Variants in RGS21 observed in about 807,000 individuals in gnomAD.
RGS21 encodes regulator of G-protein signalling 21.
A neutral mutation model predicts 18.7 loss-of-function variants in RGS21; 19 were observed. That is an observed-to-expected ratio of 1.01 (90% confidence interval 0.71 to 1.49). The LOEUF (loss-of-function observed/expected upper bound fraction) is 1.49. Among genes scored for constraint, RGS21 ranks in the 40% most tolerant of loss-of-function variants. The pLI is 0.00. For missense variants in RGS21, 194 were observed against 176.8 expected (o/e 1.10, Z -0.55); for synonymous variants, 56 against 57.8 (o/e 0.97, Z 0.14).
intron 1 of RGS21, among the ~76,000 whole-genome samples, chr1:192,332,870 G>A (rs1165747296): frequency 6.6e-6 from 1 of 151,902 alleles, no homozygotes; most frequent in Non-Finnish European, 1.5e-5. Flanking sequence ...GTGAGCTACA[G>A]TCATGCCACT....
chr1:192,361,192 TTAAAA>T (rs763537001), intron 4 of RGS21, among the ~76,000 whole-genome samples: 2 of 152,140 alleles, frequency 1.3e-5, no homozygotes, highest in Non-Finnish European at 2.9e-5. Flanking sequence ...TTATTTACAG[TTAAAA>T]TAATCATCTT....
At chr1:192,362,938 C>T (rs554068135) in intron 4 of RGS21, among the ~76,000 whole-genome samples, 1 of 151,992 alleles carries the variant, frequency 6.6e-6, no homozygotes, top group South Asian at 2.1e-4. Context: ...CTTAGCAATG[C>T]AAAATCCCTT....
intron 1 of RGS21, among the ~76,000 whole-genome samples, chr1:192,328,589 A>G (rs1173530261): frequency 1.3e-5 from 2 of 152,186 alleles, no homozygotes; most frequent in African/African-American, 4.8e-5. Flanking sequence ...CATTGTTGAA[A>G]AAGTTTAGAG....
Position 192,342,259 on chromosome 1 carries a change from G to T in RGS21, c.-60-718G>T, listed in dbSNP as rs538535733. Among the ~76,000 whole-genome samples, 5 of 152,134 alleles carry T rather than the reference G, an allele frequency of 3.3e-5. No homozygotes were observed. The South Asian group carries it at 1.0e-3, about 32-fold the overall frequency. On this transcript the variant is annotated intron_variant, in intron 1 of 4. Transcript: ENST00000417209. The stretch of plus-strand genomic sequence containing the variant: ...AGAACTGTATTACATTGAGATAAAA[G>T]CTTGACAAAGCATGAAGTTATAAAA...
intron 4 of RGS21, among the ~76,000 whole-genome samples, chr1:192,356,995 G>A (rs150658831): frequency 1.9e-4 from 29 of 151,892 alleles, no homozygotes; most frequent in Non-Finnish European, 3.7e-4. Flanking sequence ...CATGGTCCCT[G>A]AGTAGATCCT....
At position 192,338,149 on chromosome 1, in the gene RGS21, G is replaced by A. The variant is rs1658800673; in HGVS notation, c.-60-4828G>A. 2.6e-5 allele frequency among the ~76,000 whole-genome samples: 4 copies of A among 152,220 alleles called. No individual in the cohort carries two copies. In the South Asian group the frequency reaches 6.2e-4, roughly 24 times the overall value. On this transcript the variant is annotated intron_variant, in intron 1 of 4. Transcript: ENST00000417209. The stretch of plus-strand genomic sequence containing the variant: ...ACTTTGGGAGATCAGACACATTTCA[G>A]TGGTATTGCCATTGCTCAAAACATT...
chr1:192,326,505 A>G (rs1360987705), intron 1 of RGS21, among the ~76,000 whole-genome samples: 2 of 152,144 alleles, frequency 1.3e-5, no homozygotes, highest in African/African-American at 4.8e-5. Flanking sequence ...TATAAATTGA[A>G]AAGTACTTAT....
chr1:192,347,477 G>A, intron 3 of RGS21, 88 bp downstream of exon 3: 1 of 651,546 alleles, frequency 1.5e-6, no homozygotes, highest in Non-Finnish European at 2.7e-6. Flanking sequence ...CATAAAGTAT[G>A]AGTTTAATCA....
intron 2 of RGS21, among the ~76,000 whole-genome samples, chr1:192,345,535 G>A (rs919606732): frequency 6.6e-6 from 1 of 151,952 alleles, no homozygotes; most frequent in Non-Finnish European, 1.5e-5. Context: ...ACTGTTCTTG[G>A]TGCTAGAAAA....
chr1:192,329,377 C>T (rs1443475934), intron 1 of RGS21, among the ~76,000 whole-genome samples: 1 of 151,934 alleles, frequency 6.6e-6, no homozygotes, highest in Non-Finnish European at 1.5e-5. Flanking sequence ...TGAGATTAAC[C>T]AGGACTTCTG....
chr1:192,341,835 A>C (rs540720648), intron 1 of RGS21, among the ~76,000 whole-genome samples: 1 of 151,604 alleles, frequency 6.6e-6, no homozygotes, highest in Admixed American at 6.6e-5. Flanking sequence ...TACTATTTTC[A>C]AGCATATATT....
chr1:192,337,700 AT>A (rs975472410), intron 1 of RGS21, among the ~76,000 whole-genome samples: 2 of 152,178 alleles, frequency 1.3e-5, no homozygotes, highest in Non-Finnish European at 2.9e-5. Context: ...GTAAAAGAAA[AT>A]TGCAACAGAT....
chr1:192,342,117 A>G (rs570586996), intron 1 of RGS21, among the ~76,000 whole-genome samples: 1 of 152,054 alleles, frequency 6.6e-6, no homozygotes, highest in South Asian at 2.1e-4. Flanking sequence ...GGAGAAGAAC[A>G]TTTTTTACCT....
intron 2 of RGS21, among the ~76,000 whole-genome samples, chr1:192,345,329 T>C (rs1303137289): frequency 6.6e-6 from 1 of 152,100 alleles, no homozygotes; most frequent in Non-Finnish European, 1.5e-5. Flanking sequence ...TCATCTTCTC[T>C]TTCCCAGAAC....
In RGS21 at chr1:192,343,020, A is replaced by C; in HGVS notation, c.-17A>C. 6.2e-7 allele frequency: 1 copy of C among 1,612,454 alleles called. No individual in the cohort carries two copies. The highest frequency in any genetic ancestry group is 8.5e-7 in the Non-Finnish European group (1 of 1,178,754). On this transcript the variant is annotated 5_prime_UTR_variant, in exon 2 of 5. Transcript: ENST00000417209. ...AGAGAAACTCGGCATCATCTGTGAC[A>C]GACAGTGGAACGAAAAATGCCAGTG...
intron 1 of RGS21, among the ~76,000 whole-genome samples, chr1:192,324,457 A>T (rs892831765): frequency 2.6e-5 from 4 of 152,108 alleles, no homozygotes; most frequent in Non-Finnish European, 5.9e-5. Context: ...TGAACTGAGT[A>T]TCAAGCATAT....
intron 1 of RGS21, among the ~76,000 whole-genome samples, chr1:192,330,738 G>A (rs749311302): frequency 1.4e-4 from 21 of 152,186 alleles, no homozygotes; most frequent in Admixed American, 1.2e-3. Context: ...AGATAAATGT[G>A]AGCGATATCT....
rs760796283 is a variant in RGS21 at position 192,366,126 on chromosome 1, G to A, written c.*2G>A. On this transcript the variant is annotated 3_prime_UTR_variant, in exon 5 of 5. Transcript: ENST00000417209. ...AAAAAATGGCTCCCTTTTTTGTGAG[G>A]AAGGTAAAAGTTAACTAATCACTAT... is the stretch of plus-strand genomic sequence containing the variant. 10 of 1,541,168 alleles carry A rather than the reference G, an allele frequency of 6.5e-6. No individual in the cohort carries two copies. Among genetic ancestry groups the A allele is most frequent in the East Asian group, 2.3e-5 (1 of 44,212 alleles).
At chr1:192,350,872 G>C (rs1659031075) in intron 3 of RGS21, among the ~76,000 whole-genome samples, 1 of 152,112 alleles carries the variant, frequency 6.6e-6, no homozygotes, top group Non-Finnish European at 1.5e-5. Context: ...AAATAGAGAA[G>C]GAAAGGTCTA....
Sources: allele counts gnomAD v4.1 joint callset (sites outside exome capture counted in the v4.1 genomes callset), GRCh38; gene constraint gnomAD v4.1.1; transcripts MANE v1.5; gene names NCBI Gene and HGNC (gene_info 2026-07-23, HGNC 2026-07-21).